Variants in MYOM2 observed in about 807,000 individuals in gnomAD.
MYOM2 encodes the protein myomesin-2.
A neutral mutation model predicts 187.6 loss-of-function variants in MYOM2; 254 were observed. The observed-to-expected ratio is 1.35, with a 90% CI of 1.22 to 1.50. The LOEUF is 1.50. Among genes scored for constraint, MYOM2 ranks in the 40% most tolerant of loss-of-function variants. The pLI, the probability that MYOM2 is intolerant of heterozygous loss-of-function variation, is 0.00. For missense variants in MYOM2, 2,796 were observed against 1,924.0 expected (o/e 1.45, Z -8.48); for synonymous variants, 981 against 753.8 (o/e 1.30, Z -4.94).
chr8:2,055,684 G>A (rs1347227003), intron 3 of MYOM2, among the ~76,000 whole-genome samples: 3 of 152,200 alleles, frequency 2.0e-5, no homozygotes, highest in Admixed American at 6.5e-5. Flanking sequence ...CCAGGCCTTA[G>A]TCTTAATCGC....
At position 2,096,227 on chromosome 8, in the gene MYOM2, C is replaced by G. The variant is rs200306396; in HGVS notation, c.2126-20C>G. Reference sequence around the variant, plus strand: ...CCCAGCTGAGGCCCTCGGTAACTCCCTGGTTGTGCTTCCTTGCAGCCGTCC... The same window carrying G: ...CCCAGCTGAGGCCCTCGGTAACTCCGTGGTTGTGCTTCCTTGCAGCCGTCC... On this transcript the variant is annotated intron_variant, in intron 17 of 36. Transcript: ENST00000262113. The G allele has an allele frequency of 2.1e-5, 33 of 1,607,720 alleles. No individual in the cohort carries two copies. In the East Asian group the frequency reaches 6.7e-4, roughly 33 times the overall value.
intron 16 of MYOM2, among the ~76,000 whole-genome samples, chr8:2,093,720 G>A (rs1796384557): frequency 6.6e-6 from 1 of 152,202 alleles, no homozygotes; most frequent in South Asian, 2.1e-4. Flanking sequence ...GGCCCAGAAA[G>A]TACAAAAGCA....
intron 3 of MYOM2, among the ~76,000 whole-genome samples, chr8:2,055,639 G>T (rs1466172883): frequency 6.6e-6 from 1 of 152,164 alleles, no homozygotes; most frequent in African/African-American, 2.4e-5. Flanking sequence ...GCAGACTTCT[G>T]CAATTCTGAT....
At chr8:2,086,497 C>CCACTGTCGTGATCTCTGCGTGGCCCCT (rs1796076740) in intron 14 of MYOM2, among the ~76,000 whole-genome samples, 1 of 141,902 alleles carries the variant, frequency 7.0e-6, no homozygotes, top group Non-Finnish European at 1.6e-5. Context: ...GTGTGGCCCC[C>CCACTGTCGTGATCTCTGCGTGGCCCCT]CACTGTCGTG....
intron 3 of MYOM2, among the ~76,000 whole-genome samples, chr8:2,052,549 C>T (rs1029523766): frequency 3.3e-5 from 5 of 152,230 alleles, no homozygotes; most frequent in Non-Finnish European, 7.3e-5. Flanking sequence ...CACCATTTTG[C>T]AGAAGAGAGC....
At chr8:2,123,144 C>G (rs1024218813) in intron 28 of MYOM2, 108 bp from the exon 29 acceptor site, 6 of 690,166 alleles carry the variant, frequency 8.7e-6, no homozygotes, top group Non-Finnish European at 1.4e-5. Context: ...ATAGTAAAAA[C>G]TAAGGTTTTT....
intron 32 of MYOM2, among the ~76,000 whole-genome samples, chr8:2,137,939 C>T (rs79654789): frequency 0.049 from 7,514 of 152,226 alleles, 565 homozygotes; most frequent in African/African-American, 0.15. Context: ...GCTCCTCACA[C>T]GCCACGGTTT....
At chr8:2,129,602 G>A (rs748417823) in intron 32 of MYOM2, among the ~76,000 whole-genome samples, 1 of 151,896 alleles carries the variant, frequency 6.6e-6, no homozygotes, top group African/African-American at 2.4e-5. Context: ...TTGGTTTCCC[G>A]CTAGACTTGA....
chr8:2,096,853 C>G (rs1796506855), intron 18 of MYOM2, among the ~76,000 whole-genome samples: 2 of 152,182 alleles, frequency 1.3e-5, no homozygotes, highest in African/African-American at 4.8e-5. Flanking sequence ...CACCATTTCC[C>G]TGAGACATTC....
At chr8:2,104,750 G>C (rs1230719132) in intron 21 of MYOM2, among the ~76,000 whole-genome samples, 2 of 152,164 alleles carry the variant, frequency 1.3e-5, no homozygotes, top group African/African-American at 4.8e-5. Flanking sequence ...CAACATGGTA[G>C]AGAACTGGGT....
At chr8:2,117,318 T>G (rs1383672975) in intron 27 of MYOM2, among the ~76,000 whole-genome samples, 1 of 152,124 alleles carries the variant, frequency 6.6e-6, no homozygotes. Flanking sequence ...GGCAAAAGGG[T>G]ATTAGTGTAT....
chr8:2,068,726 A>T (rs1819109811), intron 6 of MYOM2, among the ~76,000 whole-genome samples: 1 of 151,826 alleles, frequency 6.6e-6, no homozygotes, highest in Admixed American at 6.6e-5. Context: ...CATGGGAACG[A>T]CTCCCTGTAT....
intron 15 of MYOM2, among the ~76,000 whole-genome samples, chr8:2,091,711 C>G (rs1230295153): frequency 6.6e-6 from 1 of 152,220 alleles, no homozygotes; most frequent in Non-Finnish European, 1.5e-5. Context: ...ACAGGCTTGA[C>G]AAGACCAGCT....
chr8:2,144,852 G>A lies in MYOM2; in HGVS notation c.4269G>A (p.Lys1423=), dbSNP rs957884458. ...SGKYSINIKN[K]YGGEKIDVTV... ...AGTACAGCATCAACATCAAGAATAA[G>A]TATGGCGGGGAGAAGATCGACGTGA... The change falls in exon 37 of 37, where the codon AAG becomes AAA. Residue 1423 remains lysine (K), a synonymous_variant. Coordinates refer to ENST00000262113, the MANE Select transcript of MYOM2 (RefSeq NM_003970.4). 1 of 1,614,158 alleles carries A rather than the reference G, an allele frequency of 6.2e-7. No individual in the cohort carries two copies. Among genetic ancestry groups the A allele is most frequent in the Non-Finnish European group, 8.5e-7 (1 of 1,180,034 alleles).
chr8:2,137,222 C>G (rs887982097), intron 32 of MYOM2, among the ~76,000 whole-genome samples: 1 of 151,764 alleles, frequency 6.6e-6, no homozygotes, highest in South Asian at 2.1e-4. Flanking sequence ...CTCCCTAACA[C>G]CCACGTGATG....
chr8:2,075,959 A>G (rs1431322320), intron 10 of MYOM2, among the ~76,000 whole-genome samples, 182 bp from the exon 11 acceptor site: 3 of 152,204 alleles, frequency 2.0e-5, no homozygotes, highest in African/African-American at 7.2e-5. Context: ...ATTCATACAT[A>G]ATTTTATATT....
intron 32 of MYOM2, among the ~76,000 whole-genome samples, chr8:2,131,266 C>T (rs951529649): frequency 1.3e-5 from 2 of 152,186 alleles, no homozygotes; most frequent in African/African-American, 2.4e-5. Flanking sequence ...CACAAATACC[C>T]TGTGAGTTAG....
Position 2,145,224 on chromosome 8 carries a change from TGACA to T in MYOM2, c.*246_*249del, listed in dbSNP as rs1798421255. Reference sequence around the variant, plus strand: ...TACACGAGGGTAGACGGCAGATGCCTGACAGAGAGTGGGTTGGCAGACAACACAC... The same window carrying T: ...TACACGAGGGTAGACGGCAGATGCCTGAGAGTGGGTTGGCAGACAACACAC... On this transcript the variant is annotated 3_prime_UTR_variant, in exon 37 of 37. Transcript: ENST00000262113. The T allele has an allele frequency of 1.7e-6, 1 of 574,310 alleles. No individual in the cohort carries two copies. The highest frequency in any genetic ancestry group is 2.4e-5 in the South Asian group (1 of 42,490). 35.6% of individuals were successfully genotyped at this position (574,310 alleles called of 1,614,324 possible). A position where few individuals can be genotyped will look rare whatever the true frequency, so the allele number is the denominator to read the frequency against.
At chr8:2,088,433 G>T (rs1303024002) in intron 14 of MYOM2, among the ~76,000 whole-genome samples, 2 of 152,206 alleles carry the variant, frequency 1.3e-5, no homozygotes, top group African/African-American at 4.8e-5. Context: ...CCCTTGCTCT[G>T]TCTGGTAGGC....
Sources: allele counts gnomAD v4.1 joint callset (sites outside exome capture counted in the v4.1 genomes callset), GRCh38; gene constraint gnomAD v4.1.1; transcripts MANE v1.5; gene names NCBI Gene and HGNC (gene_info 2026-07-23, HGNC 2026-07-21).